The following TMEM132D variants were observed in gnomAD, a reference collection of about 807,000 sequenced individuals.
TMEM132D encodes the protein transmembrane protein 132D, also known as mature OL transmembrane protein.
Under a neutral mutation model 62.3 loss-of-function variants are expected in TMEM132D, and 21 were observed. That is an observed-to-expected ratio of 0.34 (90% CI 0.24 to 0.49). The LOEUF (loss-of-function observed/expected upper bound fraction) is 0.49, where lower values mean the gene tolerates loss of function less well. Ranked by LOEUF, TMEM132D falls within the 20% of genes least tolerant of loss-of-function variation. The pLI is 0.99. For missense variants in TMEM132D, 1,346 were observed against 1,402.8 expected, an observed-to-expected ratio of 0.96 and a Z score of 0.65; for synonymous variants, 621 against 575.6, an observed-to-expected ratio of 1.08 and a Z score of -1.13.
intron 1 of TMEM132D, among the ~76,000 whole-genome samples, chr12:129,704,508 G>A (rs1881456851): frequency 6.6e-6 from 1 of 152,176 alleles, no homozygotes. Context: ...GGGGGCAGGA[G>A]GTTTGACATA....
chr12:129,121,631 G>A (rs1222151461), intron 5 of TMEM132D, among the ~76,000 whole-genome samples: 1 of 152,136 alleles, frequency 6.6e-6, no homozygotes, highest in Non-Finnish European at 1.5e-5. Context: ...ATTCAAAGCG[G>A]TGAGGAAGCA....
intron 4 of TMEM132D, among the ~76,000 whole-genome samples, chr12:129,214,986 T>C (rs1278875409): frequency 6.6e-6 from 1 of 152,140 alleles, no homozygotes; most frequent in African/African-American, 2.4e-5. Flanking sequence ...TATAAATCAT[T>C]CTACCATGAA....
At chr12:129,433,815 C>T (rs946972792) in intron 3 of TMEM132D, among the ~76,000 whole-genome samples, 1 of 152,102 alleles carries the variant, frequency 6.6e-6, no homozygotes, top group African/African-American at 2.4e-5. Context: ...GATGGAGTTC[C>T]CTAGTCTTGG....
chr12:129,118,777 C>G (rs1284063824), intron 5 of TMEM132D, among the ~76,000 whole-genome samples: 1 of 152,140 alleles, frequency 6.6e-6, no homozygotes, highest in African/African-American at 2.4e-5. Context: ...GAGTGTGTTG[C>G]CTTTGCTGTA....
chr12:129,318,938 C>T (rs1257630462), intron 4 of TMEM132D, among the ~76,000 whole-genome samples: 1 of 152,114 alleles, frequency 6.6e-6, no homozygotes, highest in Non-Finnish European at 1.5e-5. Context: ...AGCCAGCTCC[C>T]ACACCAACTG....
At chr12:129,435,253 A>G (rs1872759064) in intron 3 of TMEM132D, among the ~76,000 whole-genome samples, 2 of 152,148 alleles carry the variant, frequency 1.3e-5, no homozygotes, top group Non-Finnish European at 2.9e-5. Context: ...TATCTTGGCT[A>G]TTGTGAATAC....
chr12:129,239,571 A>T (rs1879878299), intron 4 of TMEM132D, among the ~76,000 whole-genome samples: 1 of 152,088 alleles, frequency 6.6e-6, no homozygotes, highest in Non-Finnish European at 1.5e-5. Flanking sequence ...TCAAGTTAAG[A>T]CCCTAATCTA....
chr12:129,264,639 C>T (rs1880638960), intron 4 of TMEM132D, among the ~76,000 whole-genome samples: 1 of 152,142 alleles, frequency 6.6e-6, no homozygotes, highest in African/African-American at 2.4e-5. Context: ...GCACCATAAT[C>T]CACAATTGCA....
chr12:129,492,860 C>T (rs1874841367), intron 3 of TMEM132D, among the ~76,000 whole-genome samples: 1 of 152,130 alleles, frequency 6.6e-6, no homozygotes, highest in Non-Finnish European at 1.5e-5. Context: ...TGGGGAGAGG[C>T]ATGTGATCCA....
At chr12:129,791,907 C>A (rs1871411658) in intron 1 of TMEM132D, among the ~76,000 whole-genome samples, 1 of 152,118 alleles carries the variant, frequency 6.6e-6, no homozygotes, top group African/African-American at 2.4e-5. Flanking sequence ...TCCTGTATTT[C>A]CTAAACATTA....
At chr12:129,225,508 T>A (rs1032932462) in intron 4 of TMEM132D, among the ~76,000 whole-genome samples, 7 of 152,204 alleles carry the variant, frequency 4.6e-5, no homozygotes, top group Admixed American at 6.5e-5. Flanking sequence ...GCTTTGTCAC[T>A]TCCATGTTTT....
intron 3 of TMEM132D, among the ~76,000 whole-genome samples, chr12:129,374,288 A>G (rs1293356872): frequency 6.6e-6 from 1 of 151,788 alleles, no homozygotes; most frequent in African/African-American, 2.4e-5. Flanking sequence ...AGAGAGAGAG[A>G]GAGAGAGATT....
At chr12:129,240,093 A>G (rs1229236796) in intron 4 of TMEM132D, among the ~76,000 whole-genome samples, 1 of 152,200 alleles carries the variant, frequency 6.6e-6, no homozygotes, top group Non-Finnish European at 1.5e-5. Context: ...GTTGACTCAG[A>G]TTTATTGTAG....
chr12:129,141,752 T>C (rs1593274688), intron 5 of TMEM132D, among the ~76,000 whole-genome samples: 2 of 152,074 alleles, frequency 1.3e-5, no homozygotes, highest in South Asian at 4.2e-4. Context: ...TGACAGACAC[T>C]GGGGAATGCT....
chr12:129,306,890 C>T (rs892326491), intron 4 of TMEM132D, among the ~76,000 whole-genome samples: 13 of 152,254 alleles, frequency 8.5e-5, no homozygotes, highest in Admixed American at 2.6e-4. Context: ...TGGAAGTGAG[C>T]GCCCGACTGG....
rs1195013855 is a variant in TMEM132D at position 129,535,364 on chromosome 12, C to T, written c.969-4159G>A. On this transcript the variant is annotated intron_variant, in intron 2 of 8. Coordinates refer to ENST00000422113, the MANE Select transcript of TMEM132D (RefSeq NM_133448.3). ...AGTCTTTACCTGGACAGCCGTATCCCCACTGTGACCCTGTCACTATAGTGG... is the reference window on the plus strand; with the variant it reads ...AGTCTTTACCTGGACAGCCGTATCCTCACTGTGACCCTGTCACTATAGTGG... Among the ~76,000 whole-genome samples, 6 of 152,192 alleles carry T rather than the reference C, an allele frequency of 3.9e-5. No homozygotes were observed. In the East Asian group the frequency reaches 1.2e-3, roughly 29 times the overall value.
intron 1 of TMEM132D, among the ~76,000 whole-genome samples, chr12:129,786,405 C>G (rs1055559472): frequency 6.6e-6 from 1 of 151,852 alleles, no homozygotes; most frequent in Non-Finnish European, 1.5e-5. Flanking sequence ...CACCTCGTGG[C>G]GAAAATGGGG....
chr12:129,167,796 C>A (rs937065307), intron 5 of TMEM132D, among the ~76,000 whole-genome samples: 1 of 152,006 alleles, frequency 6.6e-6, no homozygotes, highest in Non-Finnish European at 1.5e-5. Context: ...ACAACCACCC[C>A]ACCAAGCCCC....
rs117554191 is a variant in TMEM132D, at chr12:129,258,112, A to G, written c.1300-48449T>C. 4.6e-5 allele frequency among the ~76,000 whole-genome samples: 7 copies of G among 152,286 alleles called. No homozygotes were observed. The East Asian group carries it at 1.4e-3, about 29-fold the overall frequency. On this transcript the variant is annotated intron_variant, in intron 4 of 8. Coordinates refer to ENST00000422113, the MANE Select transcript of TMEM132D (RefSeq NM_133448.3). ...AAAACTAGACACATGTGCTGGAATT[A>G]TTTGACTCTAATCCTTTCCGGCTGG...
Sources: allele counts gnomAD v4.1 joint callset (sites outside exome capture counted in the v4.1 genomes callset), GRCh38; gene constraint gnomAD v4.1.1; transcripts MANE v1.5; gene names NCBI Gene and HGNC (gene_info 2026-07-23, HGNC 2026-07-21).